RPF2: variants seen among roughly 807,000 people sequenced by gnomAD.
RPF2 encodes ribosome production factor 2 homolog, also known as brix domain containing 1.
RPF2 carries 21 observed loss-of-function variants against 38.9 expected under a neutral mutation model. The ratio of observed to expected loss-of-function variants is 0.54; its 90% confidence interval spans 0.38 to 0.78. The LOEUF (loss-of-function observed/expected upper bound fraction) is 0.78. RPF2 is among the 30% of genes least tolerant of loss of function. RPF2 has a pLI of 0.00. For synonymous variants in RPF2, 121 were observed against 126.2 expected, an observed-to-expected ratio of 0.96 and a Z score of 0.28; for missense variants, 314 against 358.1, an observed-to-expected ratio of 0.88 and a Z score of 0.99.
At chr6:111,010,196 C>T (rs1771988591) in intron 7 of RPF2, among the ~76,000 whole-genome samples, 1 of 150,444 alleles carries the variant, frequency 6.6e-6, no homozygotes, top group African/African-American at 2.4e-5. Context: ...GGTGTGATCA[C>T]GTCTTACTGC....
chr6:111,019,604 G>A (rs894685943), intron 8 of RPF2, among the ~76,000 whole-genome samples: 4 of 151,980 alleles, frequency 2.6e-5, no homozygotes, highest in African/African-American at 9.7e-5. Flanking sequence ...AGGCATGGTG[G>A]TAGGCGCCTG....
chr6:111,011,166 A>G (rs1772005509), intron 7 of RPF2, among the ~76,000 whole-genome samples: 1 of 152,138 alleles, frequency 6.6e-6, no homozygotes, highest in Admixed American at 6.6e-5. Flanking sequence ...TCCCTTCTAG[A>G]ATCTTTATAG....
intron 7 of RPF2, among the ~76,000 whole-genome samples, chr6:111,015,305 C>T (rs980919773): frequency 6.6e-6 from 1 of 151,960 alleles, no homozygotes; most frequent in African/African-American, 2.4e-5. Flanking sequence ...TTCATATAAT[C>T]AAGATTTCTT....
In RPF2 at chr6:111,015,622, C is replaced by T. The variant is rs949447756; in HGVS notation, c.494-132C>T. 45 of 644,614 alleles carry T rather than the reference C, an allele frequency of 7.0e-5. No homozygotes were observed. The South Asian group carries it at 8.4e-4, about 12-fold the overall frequency. 39.9% of individuals were successfully genotyped at this position (644,614 alleles called of 1,614,324 possible). On this transcript the variant is annotated intron_variant, in intron 7 of 9. Transcript: ENST00000441448. ...ATGCTTAAGGGGTGGGACCTTCAGACATTTTTCAGGAATCATTTTTTGTGC... is the reference window on the plus strand; with the variant it reads ...ATGCTTAAGGGGTGGGACCTTCAGATATTTTTCAGGAATCATTTTTTGTGC...
intron 4 of RPF2, among the ~76,000 whole-genome samples, chr6:110,994,183 G>A (rs1246004876): frequency 6.6e-6 from 1 of 152,048 alleles, no homozygotes; most frequent in Non-Finnish European, 1.5e-5. Flanking sequence ...GGTGAGGCAG[G>A]AGAATCACTT....
chr6:111,004,154 T>C (rs550436474), intron 6 of RPF2, among the ~76,000 whole-genome samples: 2 of 151,786 alleles, frequency 1.3e-5, no homozygotes, highest in Non-Finnish European at 2.9e-5. Context: ...AGGGTCTTCA[T>C]CATGTGCATG....
Position 110,982,136 on chromosome 6 carries a change from G to A in RPF2, c.23+7G>A, listed in dbSNP as rs907291400. ...ACACTCTGGATCGAGTAGTGTAAGT[G>A]CGCTGGGTCTCAGCCCCGGGGAGCG... On this transcript the variant is annotated splice_region_variant and intron_variant, in intron 1 of 9. Transcript: ENST00000441448. 9 of 1,614,060 alleles carry A rather than the reference G, an allele frequency of 5.6e-6. No individual in the cohort carries two copies. In the African/African-American group the frequency reaches 8.0e-5, roughly 14 times the overall value.
Position 110,989,164 on chromosome 6 carries a change from G to T in RPF2, c.194+99G>T. ...TTGGAAAACAAAAACTTTTTAAAAA[G>T]ATATTAAAATTCCTTACAGTTATTA... On this transcript the variant is annotated intron_variant, in intron 3 of 9. Transcript: ENST00000441448. The T allele has an allele frequency of 2.5e-6, 3 of 1,212,192 alleles. No homozygotes were observed. In the South Asian group the frequency reaches 6.0e-5, roughly 24 times the overall value. The allele number at this position is 1,212,192 out of a possible 1,614,324, so 75.1% of individuals were successfully genotyped here.
intron 7 of RPF2, among the ~76,000 whole-genome samples, chr6:111,015,409 A>C (rs1211959487): frequency 2.0e-5 from 3 of 152,136 alleles, no homozygotes; most frequent in Non-Finnish European, 4.4e-5. Context: ...TTTTTATAGA[A>C]ATTTGCTATC....
intron 8 of RPF2, among the ~76,000 whole-genome samples, chr6:111,021,491 G>A (rs1261713120): frequency 6.6e-6 from 1 of 152,182 alleles, no homozygotes; most frequent in African/African-American, 2.4e-5. Flanking sequence ...GGGGAGCATT[G>A]AGGATGGGAG....
intron 3 of RPF2, among the ~76,000 whole-genome samples, chr6:110,990,011 T>A (rs1052429381): frequency 6.6e-6 from 1 of 151,606 alleles, no homozygotes; most frequent in South Asian, 2.1e-4. Context: ...TGATCTAAGG[T>A]CACTGCAACA....
At chr6:110,986,955 TAA>T (rs775630971) in intron 2 of RPF2, among the ~76,000 whole-genome samples, 12 of 125,036 alleles carry the variant, frequency 9.6e-5, no homozygotes, top group Non-Finnish European at 1.5e-4. Flanking sequence ...AGACTCCAAC[TAA>T]AAAAAAAAAA....
rs1488877604 is a variant in RPF2 at position 111,015,768 on chromosome 6, C to T, written c.508C>T (p.Pro170Ser). 6.2e-7 allele frequency: 1 copy of T among 1,607,510 alleles called. No homozygotes were observed. Among genetic ancestry groups the T allele is most frequent in the East Asian group, 2.2e-5 (1 of 44,848 alleles). The change falls in exon 8 of 10, where the codon CCC (proline) becomes TCC (serine). Residue 170 changes from proline (P) to serine (S), a missense_variant. Physicochemically the swap from Pro to Ser is moderately conservative, Grantham distance 74. Coordinates refer to ENST00000441448, the MANE Select transcript of RPF2 (RefSeq NM_032194.3). ...TGTGCTTTTAGATTTCTTCAGAGGC[C>T]CCACAGTATCAAATATCCGCCTGGC... ...KSLLIDFFRGPTVSNIRLAGL... is the reference protein window; with the variant it reads ...KSLLIDFFRGSTVSNIRLAGL...
chr6:110,982,544 AG>A, intron 1 of RPF2: 1 of 199,604 alleles, frequency 5.0e-6, no homozygotes, highest in Non-Finnish European at 1.0e-5. Flanking sequence ...TCTGTAAAAT[AG>A]CGCTCACCAT....
At chr6:110,987,203 G>C (rs963617436) in intron 2 of RPF2, among the ~76,000 whole-genome samples, 1 of 151,832 alleles carries the variant, frequency 6.6e-6, no homozygotes, top group South Asian at 2.1e-4. Context: ...CAAGTAGCTG[G>C]GAGCCACCAC....
chr6:111,009,306 G>A (rs12665835), intron 7 of RPF2, among the ~76,000 whole-genome samples: 26,681 of 151,864 alleles, frequency 0.18, 2,394 homozygotes, highest in South Asian at 0.31. Context: ...CACCCGCCTC[G>A]CCCTCCCAAA....
chr6:111,025,564 A>G lies in RPF2; in HGVS notation c.903A>G (p.Lys301=). The change falls in exon 10 of 10, where the codon AAA becomes AAG. Residue 301 remains lysine (K), a synonymous_variant. Transcript: ENST00000441448. ...RITEDHEKKS[K]RIKKN ...CAGAAGACCACGAGAAAAAGTCAAA[A>G]AGAATTAAAAAAAATTGATGGAACT... 3 of 1,605,520 alleles carry G rather than the reference A, an allele frequency of 1.9e-6. No individual in the cohort carries two copies. The highest frequency in any genetic ancestry group is 2.5e-6 in the Non-Finnish European group (3 of 1,177,868).
chr6:111,009,848 A>C (rs1771982174), intron 7 of RPF2, among the ~76,000 whole-genome samples: 1 of 151,424 alleles, frequency 6.6e-6, no homozygotes, highest in Non-Finnish European at 1.5e-5. Context: ...TAATTTTTAA[A>C]ATTTTTTGTA....
intron 7 of RPF2, among the ~76,000 whole-genome samples, chr6:111,010,081 T>A (rs1228442929): frequency 6.6e-6 from 1 of 152,136 alleles, no homozygotes; most frequent in African/African-American, 2.4e-5. Flanking sequence ...GGTACTAATT[T>A]AAAGGGTCTT....
Sources: gnomAD v4.1 joint callset for allele counts (sites outside exome capture counted in the v4.1 genomes callset) on GRCh38, gnomAD v4.1.1 for gene constraint, MANE v1.5 for transcripts, NCBI Gene and HGNC (gene_info 2026-07-23, HGNC 2026-07-21) for gene names.